The following MAP7 variants were observed in gnomAD, a reference collection of about 807,000 sequenced individuals.
MAP7 encodes the protein microtubule associated protein 7.
In MAP7, 52 loss-of-function variants were observed where a neutral mutation model predicts 94.8. The observed-to-expected ratio is 0.55, with a 90% confidence interval of 0.44 to 0.69. The LOEUF (loss-of-function observed/expected upper bound fraction) is 0.69. MAP7 is among the 30% of genes least tolerant of loss of function. The pLI, the probability that MAP7 is intolerant of heterozygous loss-of-function variation, is 0.00. For synonymous variants in MAP7, 350 were observed against 357.0 expected (o/e 0.98, Z 0.22); for missense variants, 940 against 964.6 (o/e 0.97, Z 0.34).
chr6:136,362,470 C>A lies in MAP7; in HGVS notation c.1506G>T (p.Arg502Ser). 6.2e-7 allele frequency: 1 copy of A among 1,614,086 alleles called. No individual in the cohort carries two copies. Among genetic ancestry groups the A allele is most frequent in the Non-Finnish European group, 8.5e-7 (1 of 1,180,004 alleles). Reference sequence around the variant, plus strand: ...TTTACCTTTCAAGCTCTTCCTGCTCCCTCCTCTCCCTTTCTTCCTTTTCTC... The same window carrying A: ...TTTACCTTTCAAGCTCTTCCTGCTCACTCCTCTCCCTTTCTTCCTTTTCTC... ...EQREKEERER[R>S]EQEELERQKR... The change falls in exon 11 of 18, where the codon AGG becomes AGT. Residue 502 changes from arginine to serine, a missense_variant. Transcript: ENST00000354570.
chr6:136,438,845 C>T (rs569785110), intron 1 of MAP7, among the ~76,000 whole-genome samples: 4 of 152,204 alleles, frequency 2.6e-5, no homozygotes, highest in South Asian at 4.1e-4. Context: ...CCCTTCCCCC[C>T]AACCCCCAGC....
intron 1 of MAP7, among the ~76,000 whole-genome samples, chr6:136,441,748 C>T (rs1797925705): frequency 6.6e-6 from 1 of 152,170 alleles, no homozygotes. Flanking sequence ...GCTGTGGTGG[C>T]TCCAACCTGT....
chr6:136,518,287 A>T (rs186137399), intron 1 of MAP7, among the ~76,000 whole-genome samples: 21 of 152,214 alleles, frequency 1.4e-4, no homozygotes, highest in African/African-American at 4.1e-4. Context: ...CTTCATTCCC[A>T]CTCCACACTG....
intron 3 of MAP7, among the ~76,000 whole-genome samples, chr6:136,405,309 G>A (rs1785258540): frequency 6.6e-6 from 1 of 152,202 alleles, no homozygotes. Context: ...CTTAGATGTT[G>A]ACAGAGCTAG....
At chr6:136,482,493 C>T (rs189890176) in intron 1 of MAP7, among the ~76,000 whole-genome samples, 9 of 151,666 alleles carry the variant, frequency 5.9e-5, no homozygotes, top group African/African-American at 1.5e-4. Context: ...CCCAGCCACT[C>T]GGGAGGCTGA....
intron 1 of MAP7, among the ~76,000 whole-genome samples, chr6:136,526,953 G>T (rs929036672): frequency 6.6e-6 from 1 of 151,804 alleles, no homozygotes; most frequent in African/African-American, 2.4e-5. Flanking sequence ...GGCAAGGGAA[G>T]AACTATGCTG....
chr6:136,536,588 C>A (rs1357509064), intron 1 of MAP7, among the ~76,000 whole-genome samples: 1 of 152,174 alleles, frequency 6.6e-6, no homozygotes, highest in Non-Finnish European at 1.5e-5. Context: ...AAAAATCTCT[C>A]CTTTCTCTTA....
intron 1 of MAP7, among the ~76,000 whole-genome samples, chr6:136,448,415 A>AC (rs1270926673): frequency 7.1e-6 from 1 of 141,364 alleles, no homozygotes; most frequent in Non-Finnish European, 1.6e-5. Flanking sequence ...AATGACTACG[A>AC]TTTTTTTTTT....
intron 3 of MAP7, among the ~76,000 whole-genome samples, chr6:136,406,950 T>C (rs9373163): frequency 0.063 from 9,536 of 152,294 alleles, 655 homozygotes; most frequent in East Asian, 0.23. Flanking sequence ...CTCATCACAA[T>C]GTATTTTAAA....
intron 1 of MAP7, among the ~76,000 whole-genome samples, chr6:136,450,156 C>A (rs890342184): frequency 6.6e-6 from 1 of 152,146 alleles, no homozygotes; most frequent in Admixed American, 6.5e-5. Flanking sequence ...TGCACGCCAG[C>A]CTGGGTGACA....
chr6:136,549,823 G>A (rs938546461), intron 1 of MAP7, among the ~76,000 whole-genome samples: 6 of 152,188 alleles, frequency 3.9e-5, no homozygotes, highest in African/African-American at 7.2e-5. Context: ...AGATTGGGGG[G>A]CGGGCCGCTC....
At chr6:136,416,310 T>C (rs1789391496) in intron 2 of MAP7, among the ~76,000 whole-genome samples, 1 of 152,158 alleles carries the variant, frequency 6.6e-6, no homozygotes, top group Admixed American at 6.5e-5. Flanking sequence ...GAGTAAACTA[T>C]TTAAATGCTA....
chr6:136,380,587 A>C (rs1198372847), intron 6 of MAP7, among the ~76,000 whole-genome samples: 1 of 152,206 alleles, frequency 6.6e-6, no homozygotes, highest in African/African-American at 2.4e-5. Context: ...ACTCTTTTCC[A>C]ACTTCCTAAT....
intron 1 of MAP7, among the ~76,000 whole-genome samples, chr6:136,523,819 A>G (rs1022118713): frequency 2.0e-5 from 3 of 152,204 alleles, no homozygotes; most frequent in African/African-American, 7.2e-5. Flanking sequence ...AGCTGCAAAA[A>G]TTGCCAAAAA....
In MAP7 at chr6:136,365,994, A is replaced by C. The variant is rs1324712247; in HGVS notation, c.1014T>G (p.His338Gln). 2 of 1,611,850 alleles carry C rather than the reference A, an allele frequency of 1.2e-6. No homozygotes were observed. Among genetic ancestry groups the C allele is most frequent in the Non-Finnish European group, 1.7e-6 (2 of 1,179,818 alleles). Reference protein sequence around the residue: ...RLWLPSKSLPHLPGTPRPTSS... With the variant: ...RLWLPSKSLPQLPGTPRPTSS... ...ATGTCGGTCTGGGTGTGCCAGGCAA[A>C]TGAGGAAGAGACTTGGACGGAAGCC... The change falls in exon 10 of 18, where the codon CAT (histidine) becomes CAG (glutamine). Residue 338 changes from histidine (H) to glutamine (Q), a missense_variant. Physicochemically the swap from His to Gln is conservative, Grantham distance 24. Transcript: ENST00000354570.
intron 1 of MAP7, among the ~76,000 whole-genome samples, chr6:136,512,836 CT>C (rs76348621): frequency 0.011 from 1,442 of 136,700 alleles, 8 homozygotes; most frequent in African/African-American, 0.024. Flanking sequence ...AATTTCTTCC[CT>C]TTTTTTTTTT....
chr6:136,535,717 T>G lies in MAP7; in HGVS notation c.67+14625A>C, dbSNP rs1303541062. Among the ~76,000 whole-genome samples, 3 of 152,014 alleles carry G rather than the reference T, an allele frequency of 2.0e-5. No individual in the cohort carries two copies. In the East Asian group the frequency reaches 5.8e-4, roughly 29 times the overall value. On this transcript the variant is annotated intron_variant, in intron 1 of 17. Transcript: ENST00000354570. The stretch of plus-strand genomic sequence containing the variant: ...CAAGCTTAGAAGCTTTTTTTTTCTT[T>G]TTTTTTTAGTATTTGTCATCTTTTT...
At chr6:136,402,617 G>A (rs1244780514) in intron 3 of MAP7, among the ~76,000 whole-genome samples, 3 of 152,136 alleles carry the variant, frequency 2.0e-5, no homozygotes, top group South Asian at 2.1e-4. Context: ...AAATAAGAAA[G>A]GACTTACTGC....
chr6:136,353,457 T>C (rs1353449496), intron 16 of MAP7, among the ~76,000 whole-genome samples: 1 of 152,240 alleles, frequency 6.6e-6, no homozygotes, highest in African/African-American at 2.4e-5. Flanking sequence ...TGGTTATCCC[T>C]AATGCAAAAG....
Sources: allele counts gnomAD v4.1 joint callset (sites outside exome capture counted in the v4.1 genomes callset), GRCh38; gene constraint gnomAD v4.1.1; transcripts MANE v1.5; gene names NCBI Gene and HGNC (gene_info 2026-07-23, HGNC 2026-07-21).